The following CNOT4 variants were observed in gnomAD, a reference collection of about 807,000 sequenced individuals.
CNOT4 encodes the protein CCR4-NOT transcription complex subunit 4, also known as CCR4-associated factor 4.
CNOT4 carries 8 observed loss-of-function variants against 73.8 expected under a neutral mutation model. The observed-to-expected ratio is 0.11, with a 90% CI of 0.06 to 0.20. CNOT4 has a LOEUF of 0.20. CNOT4 is among the 10% of genes least tolerant of loss of function. The probability of loss-of-function intolerance (pLI) is 1.00; values close to 1 mark genes in which losing one functional copy is unlikely to be tolerated. For synonymous variants in CNOT4, 293 were observed against 321.1 expected, an observed-to-expected ratio of 0.91 and a Z score of 0.94; for missense variants, 564 against 883.4, an observed-to-expected ratio of 0.64 and a Z score of 4.58.
chr7:135,435,195 T>C (rs1334776041), intron 2 of CNOT4, among the ~76,000 whole-genome samples: 2 of 152,192 alleles, frequency 1.3e-5, no homozygotes, highest in Non-Finnish European at 2.9e-5. Flanking sequence ...TAAACAAACA[T>C]TGATCTTTTT....
At chr7:135,502,230 T>C (rs1252586324) in intron 1 of CNOT4, among the ~76,000 whole-genome samples, 1 of 152,238 alleles carries the variant, frequency 6.6e-6, no homozygotes, top group African/African-American at 2.4e-5. Flanking sequence ...TTCCATTCCC[T>C]ATATAGAACG....
At chr7:135,483,373 A>T (rs1193414323) in intron 1 of CNOT4, among the ~76,000 whole-genome samples, 1 of 152,064 alleles carries the variant, frequency 6.6e-6, no homozygotes, top group East Asian at 1.9e-4. Flanking sequence ...TATATTAAAA[A>T]ATTACAAACC....
At chr7:135,446,575 ATAACT>A (rs1481517519) in intron 1 of CNOT4, among the ~76,000 whole-genome samples, 1 of 152,186 alleles carries the variant, frequency 6.6e-6, no homozygotes, top group Non-Finnish European at 1.5e-5. Context: ...TGAATTTTTA[ATAACT>A]TAAATATGTA....
chr7:135,493,608 A>T (rs1803257727), intron 1 of CNOT4, among the ~76,000 whole-genome samples: 1 of 152,192 alleles, frequency 6.6e-6, no homozygotes, highest in South Asian at 2.1e-4. Flanking sequence ...CCTTGTGGGG[A>T]CATGAGTATC....
intron 10 of CNOT4, among the ~76,000 whole-genome samples, chr7:135,375,500 T>G (rs995599662): frequency 5.9e-5 from 9 of 152,140 alleles, no homozygotes; most frequent in African/African-American, 1.9e-4. Flanking sequence ...TCTGAAAAAG[T>G]AGGTATTAGA....
chr7:135,397,204 A>G (rs1563024760), intron 8 of CNOT4, among the ~76,000 whole-genome samples: 1 of 152,206 alleles, frequency 6.6e-6, no homozygotes. Context: ...AGAGAAAAAA[A>G]TAATGTAAAA....
intron 1 of CNOT4, among the ~76,000 whole-genome samples, chr7:135,493,050 A>G (rs1185834158): frequency 6.6e-6 from 1 of 152,200 alleles, no homozygotes; most frequent in African/African-American, 2.4e-5. Context: ...CTGTTAATAG[A>G]CAAGTTTTAA....
At chr7:135,466,034 G>T (rs1801199022) in intron 1 of CNOT4, among the ~76,000 whole-genome samples, 1 of 151,826 alleles carries the variant, frequency 6.6e-6, no homozygotes, top group African/African-American at 2.4e-5. Flanking sequence ...GGGCAACAAA[G>T]CGAGACTCCA....
chr7:135,445,375 C>T (rs1224266653), intron 1 of CNOT4, among the ~76,000 whole-genome samples: 7 of 152,240 alleles, frequency 4.6e-5, no homozygotes, highest in Middle Eastern at 3.4e-3. Context: ...GATTAATTTT[C>T]GAAAACTTCC....
intron 1 of CNOT4, among the ~76,000 whole-genome samples, chr7:135,478,696 C>CTG (rs1355565999): frequency 6.6e-6 from 1 of 152,142 alleles, no homozygotes; most frequent in Non-Finnish European, 1.5e-5. Context: ...GAATGAAACT[C>CTG]TGTCTGAATC....
Position 135,364,279 on chromosome 7 carries a change from G to C in CNOT4, c.1628-213C>G, listed in dbSNP as rs1301367548. ...GAGGAAAAACTTGCTCAAGGATCAG[G>C]AGAGGGAGGTTCTTGTCTCTCTATA... On this transcript the variant is annotated intron_variant, in intron 10 of 11. Transcript: ENST00000541284. The surrounding 1 kb of genome is among the most constrained non-coding windows in gnomAD (Gnocchi z 4.3). Among the ~76,000 whole-genome samples, 1 of 152,170 alleles carries C rather than the reference G, an allele frequency of 6.6e-6. No individual in the cohort carries two copies. Among genetic ancestry groups the C allele is most frequent in the African/African-American group, 2.4e-5 (1 of 41,458 alleles).
intron 10 of CNOT4, among the ~76,000 whole-genome samples, chr7:135,378,897 A>G (rs1563013981): frequency 2.6e-5 from 4 of 151,248 alleles, no homozygotes; most frequent in Middle Eastern, 6.8e-3. Context: ...AGGTGGGAGG[A>G]TCACTTGAGC....
At chr7:135,449,857 A>G (rs1800059383) in intron 1 of CNOT4, among the ~76,000 whole-genome samples, 1 of 151,438 alleles carries the variant, frequency 6.6e-6, no homozygotes, top group Admixed American at 6.6e-5. Flanking sequence ...CTTCTCTAGG[A>G]GATACATTCT....
chr7:135,436,511 CTAAA>C (rs1563049629), intron 2 of CNOT4, among the ~76,000 whole-genome samples: 2 of 200 alleles, frequency 0.01, no homozygotes, highest in African/African-American at 0.036. Context: ...TAAAATATAA[CTAAA>C]TGTTCAAATC....
At chr7:135,494,065 C>CAAAAAAAA (rs34917518) in intron 1 of CNOT4, among the ~76,000 whole-genome samples, 2 of 119,600 alleles carry the variant, frequency 1.7e-5, no homozygotes, top group Non-Finnish European at 3.6e-5. Context: ...AAACCTGTAC[C>CAAAAAAAA]AAAAAAAAAA....
At chr7:135,472,477 A>C (rs13226316) in intron 1 of CNOT4, among the ~76,000 whole-genome samples, 1 of 9,942 alleles carries the variant, frequency 1.0e-4, no homozygotes, top group Admixed American at 3.1e-3. Flanking sequence ...ACACCGACTC[A>C]AAAAAAAAAA....
In CNOT4 at chr7:135,487,140, T is replaced by C. The variant is rs572231694; in HGVS notation, c.-93+22749A>G. Among the ~76,000 whole-genome samples, 5 of 152,274 alleles carry C rather than the reference T, an allele frequency of 3.3e-5. 1 individual carries two copies. The highest frequency in any genetic ancestry group is 9.6e-5 in the African/African-American group (4 of 41,580). On this transcript the variant is annotated intron_variant, in intron 1 of 11. Transcript: ENST00000541284. ...TTGTCCTTGTTTATAAAACCTATGT[T>C]TTCTCAATTACAACCATTTAAAAAA...
In CNOT4 at chr7:135,362,027, CTATCTCAGAGTGCCCTCG is replaced by C. The variant is rs1794674222; in HGVS notation, c.*840_*857del. ...GTGATCAGATGGCCCCAGAGCAGTG[CTATCTCAGAGTGCCCTCG>C]TCAGGTGAATTTATGGTAAAACAAA... On this transcript the variant is annotated 3_prime_UTR_variant, in exon 12 of 12. Transcript: ENST00000541284. 1 of 152,682 alleles carries C rather than the reference CTATCTCAGAGTGCCCTCG, an allele frequency of 6.5e-6. No individual in the cohort carries two copies. The highest frequency in any genetic ancestry group is 1.9e-4 in the East Asian group (1 of 5,206). 9.5% of individuals were successfully genotyped at this position (152,682 alleles called of 1,614,324 possible).
chr7:135,506,812 C>T (rs1010574982), intron 1 of CNOT4, among the ~76,000 whole-genome samples: 2 of 150,894 alleles, frequency 1.3e-5, no homozygotes, highest in African/African-American at 4.9e-5. Context: ...CGCACCACTG[C>T]ACTCCAGCCT....
Sources: allele counts gnomAD v4.1 joint callset (sites outside exome capture counted in the v4.1 genomes callset), GRCh38; gene constraint gnomAD v4.1.1; non-coding constraint Gnocchi (gnomAD v3.1); transcripts MANE v1.5; gene names NCBI Gene and HGNC (gene_info 2026-07-23, HGNC 2026-07-21).